WWTR1: variants seen among roughly 807,000 people sequenced by gnomAD.
WWTR1 encodes WW domain containing transcription regulator 1, also known as WW domain-containing transcription regulator protein 1.
WWTR1 carries 13 observed loss-of-function variants against 40.1 expected under a neutral mutation model. The ratio of observed to expected loss-of-function variants is 0.32; its 90% CI spans 0.21 to 0.52. The LOEUF is 0.52. Among genes scored for constraint, WWTR1 ranks in the 20% least tolerant of loss-of-function variants. WWTR1 has a pLI of 0.97. For synonymous variants in WWTR1, 230 were observed against 210.1 expected (o/e 1.09, Z -0.82); for missense variants, 436 against 523.1 (o/e 0.83, Z 1.63).
chr3:149,570,148 A>C (rs1024899014), intron 3 of WWTR1, among the ~76,000 whole-genome samples: 1 of 152,212 alleles, frequency 6.6e-6, no homozygotes. Flanking sequence ...TCCAAGTTGT[A>C]TTTCCATCCT....
At chr3:149,589,897 A>G (rs1370035693) in intron 2 of WWTR1, among the ~76,000 whole-genome samples, 1 of 152,040 alleles carries the variant, frequency 6.6e-6, no homozygotes, top group Non-Finnish European at 1.5e-5. Context: ...TTCACATCAT[A>G]TATGTTTTTA....
intron 1 of WWTR1, among the ~76,000 whole-genome samples, chr3:149,683,366 C>T (rs1042846426): frequency 6.6e-6 from 1 of 152,076 alleles, no homozygotes; most frequent in Non-Finnish European, 1.5e-5. Flanking sequence ...GAGGTGTAAC[C>T]ACAGAATAAC....
intron 2 of WWTR1, among the ~76,000 whole-genome samples, chr3:149,594,985 C>T (rs1346269138): frequency 3.7e-5 from 3 of 81,014 alleles, no homozygotes; most frequent in East Asian, 3.9e-4. Context: ...TTTTTTGAGA[C>T]GGAGTGTCGC....
intron 1 of WWTR1, among the ~76,000 whole-genome samples, chr3:149,671,230 A>G (rs2108191577): frequency 6.6e-6 from 1 of 152,158 alleles, no homozygotes; most frequent in Middle Eastern, 3.4e-3. Flanking sequence ...TAAGGTCAGA[A>G]GAAACGGGTC....
At chr3:149,556,405 C>T (rs1056647692) in intron 3 of WWTR1, among the ~76,000 whole-genome samples, 2 of 152,150 alleles carry the variant, frequency 1.3e-5, no homozygotes, top group Non-Finnish European at 2.9e-5. Flanking sequence ...ATAGTGAAAC[C>T]CCGTCTCTAC....
exon 2 of WWTR1, chr3:149,669,800 T>C (rs3811716): frequency 0.2 from 30,202 of 152,124 alleles, 3,253 homozygotes; most frequent in Admixed American, 0.3. Context: ...GGAAAATCAC[T>C]AGTAAGCGTG....
chr3:149,676,250 A>G (rs1330997336), intron 1 of WWTR1, among the ~76,000 whole-genome samples: 1 of 87,552 alleles, frequency 1.1e-5, no homozygotes, highest in African/African-American at 4.7e-5. Flanking sequence ...ATTTCCCCAA[A>G]AAGAGAAGGG....
At chr3:149,598,531 C>T (rs1739104590) in intron 2 of WWTR1, among the ~76,000 whole-genome samples, 1 of 152,342 alleles carries the variant, frequency 6.6e-6, no homozygotes, top group South Asian at 2.1e-4. Context: ...CTAGTGTCTC[C>T]TAGTGTCTCC....
rs76659666 is a variant in WWTR1 at position 149,578,104 on chromosome 3, G to C, written c.432-5104C>G. Among the ~76,000 whole-genome samples, 575 of 147,440 alleles carry C rather than the reference G, an allele frequency of 3.9e-3. 3 individuals are homozygous for C. Among genetic ancestry groups the C allele is most frequent in the African/African-American group, 0.014 (551 of 39,916 alleles). ...TATCCAAGTCCCCCTGGGTCACCAT[G>C]GCCCATGAAATAACAGCACAACTCA... On this transcript the variant is annotated intron_variant, in intron 2 of 6. Coordinates refer to ENST00000360632, the MANE Select transcript of WWTR1 (RefSeq NM_015472.6).
chr3:149,568,521 T>A (rs1005170716), intron 3 of WWTR1, among the ~76,000 whole-genome samples: 1 of 25,058 alleles, frequency 4.0e-5, no homozygotes, highest in African/African-American at 1.3e-4. Context: ...TGAATTAAAG[T>A]GCAAAAAAAA....
At chr3:149,603,854 CAAAAAAAAAAA>C (rs370980729) in intron 2 of WWTR1, among the ~76,000 whole-genome samples, 3 of 83,284 alleles carry the variant, frequency 3.6e-5, no homozygotes, top group Non-Finnish European at 6.9e-5. Context: ...AGCGGCATAC[CAAAAAAAAAAA>C]AAAAAAAAAG....
At chr3:149,684,561 C>CA (rs1559840579) in intron 1 of WWTR1, among the ~76,000 whole-genome samples, 2 of 146,552 alleles carry the variant, frequency 1.4e-5, no homozygotes, top group East Asian at 2.0e-4. Context: ...TCTCATTATT[C>CA]TTTTTTTTTT....
chr3:149,535,330 A>G (rs181645147), intron 4 of WWTR1, among the ~76,000 whole-genome samples: 1 of 152,124 alleles, frequency 6.6e-6, no homozygotes, highest in Non-Finnish European at 1.5e-5. Context: ...GAGGGACTTC[A>G]GAGAGAGAAT....
Position 149,562,648 on chromosome 3 carries a change from A to AG in WWTR1, c.568+10215_568+10216insC, listed in dbSNP as rs1560061626. 1.4e-3 allele frequency among the ~76,000 whole-genome samples: 192 copies of AG among 135,080 alleles called. 2 individuals carry two copies. Among genetic ancestry groups the AG allele is most frequent in the African/African-American group, 4.2e-3 (156 of 36,808 alleles). 88.6% of individuals were successfully genotyped at this position (135,080 alleles called of 152,430 possible). On this transcript the variant is annotated intron_variant, in intron 3 of 6. Coordinates refer to ENST00000360632, the MANE Select transcript of WWTR1 (RefSeq NM_015472.6). ...ACACACACACACACACACACACACA[A>AG]AGGGGGAGGGGTGATCTTCTTTTTA...
intron 2 of WWTR1, among the ~76,000 whole-genome samples, chr3:149,641,110 CTT>C (rs1712147333): frequency 6.6e-6 from 1 of 152,104 alleles, no homozygotes; most frequent in East Asian, 1.9e-4. Context: ...CACAATATAA[CTT>C]TTTGTTTTAC....
At chr3:149,540,665 C>T (rs1465541914) in intron 4 of WWTR1, among the ~76,000 whole-genome samples, 1 of 152,092 alleles carries the variant, frequency 6.6e-6, no homozygotes. Flanking sequence ...AAACATGACA[C>T]TATATATCTA....
intron 3 of WWTR1, among the ~76,000 whole-genome samples, chr3:149,562,596 TACAGACAC>T (rs1360193280): frequency 1.1e-5 from 1 of 90,094 alleles, no homozygotes. Context: ...TGCCTTAAAA[TACAGACAC>T]ACACACACAC....
At chr3:149,550,315 A>C (rs1021105161) in intron 3 of WWTR1, among the ~76,000 whole-genome samples, 1 of 152,184 alleles carries the variant, frequency 6.6e-6, no homozygotes, top group Non-Finnish European at 1.5e-5. Context: ...GTCTAATAAG[A>C]CTGGGAAATG....
intron 2 of WWTR1, among the ~76,000 whole-genome samples, chr3:149,618,288 C>CCA (rs1740102499): frequency 1.3e-5 from 2 of 152,214 alleles, no homozygotes; most frequent in African/African-American, 4.8e-5. Context: ...TCTACAATGT[C>CCA]TTGCAGCCAA....
Sources: gnomAD v4.1 joint callset for allele counts (sites outside exome capture counted in the v4.1 genomes callset) on GRCh38, gnomAD v4.1.1 for gene constraint, MANE v1.5 for transcripts, NCBI Gene and HGNC (gene_info 2026-07-23, HGNC 2026-07-21) for gene names.